Variants in PACSIN2 observed in about 807,000 individuals in gnomAD.
PACSIN2 encodes protein kinase C and casein kinase substrate in neurons 2.
In PACSIN2, 25 loss-of-function variants were observed where a neutral mutation model predicts 63.8. That is an observed-to-expected ratio of 0.39 (90% CI 0.29 to 0.55). The LOEUF (loss-of-function observed/expected upper bound fraction) is 0.55. Ranked by LOEUF, PACSIN2 falls within the 20% of genes least tolerant of loss-of-function variation. PACSIN2 has a pLI of 0.62. For missense variants in PACSIN2, 518 were observed against 646.9 expected (o/e 0.80, Z 2.16); for synonymous variants, 255 against 256.2 (o/e 1.00, Z 0.05).
intron 1 of PACSIN2, among the ~76,000 whole-genome samples, chr22:42,962,775 C>T (rs867693678): frequency 2.4e-4 from 4 of 16,420 alleles, no homozygotes; most frequent in Non-Finnish European, 6.9e-4. Flanking sequence ...AAGGTGTGGG[C>T]GGGGGGGGGG....
At chr22:42,932,531 G>GA (rs1364051575) in intron 1 of PACSIN2, among the ~76,000 whole-genome samples, 1 of 152,164 alleles carries the variant, frequency 6.6e-6, no homozygotes, top group Non-Finnish European at 1.5e-5. Flanking sequence ...CTTTACAAGT[G>GA]AAATGGTGGG....
At chr22:42,880,156 A>C (rs909067426) in intron 7 of PACSIN2, among the ~76,000 whole-genome samples, 1 of 152,184 alleles carries the variant, frequency 6.6e-6, no homozygotes, top group Non-Finnish European at 1.5e-5. Context: ...GGCTCTGCTC[A>C]CACGTACTTA....
At chr22:42,959,709 A>C (rs1934060286) in intron 1 of PACSIN2, 1 of 152,180 alleles carries the variant, frequency 6.6e-6, no homozygotes, top group African/African-American at 2.4e-5. Flanking sequence ...TAAATCAGTC[A>C]CTCAGTGAGA....
At position 42,869,923 on chromosome 22, in the gene PACSIN2, C is replaced by T. The variant is rs1260779776; in HGVS notation, c.*1434G>A. On this transcript the variant is annotated 3_prime_UTR_variant, in exon 11 of 11. Transcript: ENST00000263246. The stretch of plus-strand genomic sequence containing the variant: ...TAAGTTCTCAGGACAGACACAGACA[C>T]AGGTCCACTTTCCAAGCAAGACATC... 1 of 152,472 alleles carries T rather than the reference C, an allele frequency of 6.6e-6. No homozygotes were observed. The highest frequency in any genetic ancestry group is 1.5e-5 in the Non-Finnish European group (1 of 68,056). 9.4% of individuals were successfully genotyped at this position (152,472 alleles called of 1,614,324 possible).
At chr22:42,978,783 CA>C (rs1302078699) in intron 1 of PACSIN2, among the ~76,000 whole-genome samples, 1 of 152,194 alleles carries the variant, frequency 6.6e-6, no homozygotes, top group Non-Finnish European at 1.5e-5. Flanking sequence ...GGGCATTCTA[CA>C]AAGCATTTCC....
At chr22:42,888,307 C>A (rs1157339450) in intron 5 of PACSIN2, among the ~76,000 whole-genome samples, 15 of 152,174 alleles carry the variant, frequency 9.9e-5, no homozygotes. Context: ...CCAGCCACAC[C>A]CATTCACACC....
intron 1 of PACSIN2, among the ~76,000 whole-genome samples, chr22:42,942,784 G>A (rs1012715071): frequency 6.6e-6 from 1 of 152,126 alleles, no homozygotes; most frequent in African/African-American, 2.4e-5. Context: ...CCTTATGCCC[G>A]CACCACACTG....
intron 1 of PACSIN2, among the ~76,000 whole-genome samples, chr22:42,987,496 A>G (rs1323459429): frequency 2.8e-4 from 10 of 35,294 alleles, no homozygotes; most frequent in African/African-American, 1.5e-3. Context: ...ACACACACCC[A>G]TGGCACCATG....
intron 6 of PACSIN2, among the ~76,000 whole-genome samples, chr22:42,883,605 G>GA (rs1278676028): frequency 6.6e-6 from 1 of 152,038 alleles, no homozygotes; most frequent in Non-Finnish European, 1.5e-5. Flanking sequence ...CTGTCCTGGG[G>GA]GCTGAGAGCC....
intron 8 of PACSIN2, among the ~76,000 whole-genome samples, chr22:42,878,204 C>A (rs866123798): frequency 3.3e-5 from 5 of 152,202 alleles, no homozygotes; most frequent in Non-Finnish European, 7.3e-5. Flanking sequence ...TTCCCATTCC[C>A]ACCCCCAAGC....
chr22:42,919,643 T>C (rs1320976950), intron 1 of PACSIN2, among the ~76,000 whole-genome samples: 2 of 151,416 alleles, frequency 1.3e-5, no homozygotes, highest in African/African-American at 4.9e-5. Context: ...TGTGGTAGCA[T>C]GCGCCTGTAA....
At chr22:42,980,275 A>G (rs894317959) in intron 1 of PACSIN2, among the ~76,000 whole-genome samples, 1 of 152,188 alleles carries the variant, frequency 6.6e-6, no homozygotes, top group African/African-American at 2.4e-5. Context: ...GCACTTTGAG[A>G]GGCCAAGGCA....
intron 1 of PACSIN2, among the ~76,000 whole-genome samples, chr22:42,999,955 C>G (rs779775160): frequency 6.6e-6 from 1 of 152,234 alleles, no homozygotes; most frequent in South Asian, 2.1e-4. Flanking sequence ...AAGGGCAATG[C>G]CATCACAAGT....
chr22:42,975,221 C>A (rs1427188662), intron 1 of PACSIN2, among the ~76,000 whole-genome samples: 2 of 152,170 alleles, frequency 1.3e-5, no homozygotes, highest in Non-Finnish European at 2.9e-5. Context: ...ACCATATTCA[C>A]CACAAGTTTT....
intron 1 of PACSIN2, among the ~76,000 whole-genome samples, chr22:43,008,703 C>A (rs1924258901): frequency 1.3e-5 from 2 of 152,254 alleles, no homozygotes; most frequent in Admixed American, 1.3e-4. Flanking sequence ...CTGGCACAAT[C>A]CACACCCAAC....
chr22:42,991,414 T>C (rs1375008401), intron 1 of PACSIN2, among the ~76,000 whole-genome samples: 1 of 151,948 alleles, frequency 6.6e-6, no homozygotes, highest in East Asian at 1.9e-4. Flanking sequence ...ACCCCACCCA[T>C]CCAGGCACAG....
chr22:42,964,734 A>G lies in PACSIN2; in HGVS notation c.-78+50287T>C, dbSNP rs527308132. 4.6e-5 allele frequency among the ~76,000 whole-genome samples: 7 copies of G among 152,276 alleles called. No individual in the cohort carries two copies. In the South Asian group the frequency reaches 1.5e-3, roughly 32 times the overall value. On this transcript the variant is annotated intron_variant, in intron 1 of 10. Coordinates refer to ENST00000263246, the MANE Select transcript of PACSIN2 (RefSeq NM_001184970.3). ...GGCAGCAGGGACGACAAAGTTAGAC[A>G]AAAGACCAAAAGGAGCTGCTCTGAC...
chr22:42,903,319 T>C, intron 2 of PACSIN2, among the ~76,000 whole-genome samples: 1 of 152,196 alleles, frequency 6.6e-6, no homozygotes, highest in East Asian at 1.9e-4. Context: ...GTCCCCATGG[T>C]GACAGCTTCA....
intron 1 of PACSIN2, among the ~76,000 whole-genome samples, chr22:42,933,558 C>T (rs988492614): frequency 6.6e-6 from 1 of 152,166 alleles, no homozygotes; most frequent in African/African-American, 2.4e-5. Context: ...ATGTATAACA[C>T]CAACTCCTCC....
Sources: allele counts gnomAD v4.1 joint callset (sites outside exome capture counted in the v4.1 genomes callset), GRCh38; gene constraint gnomAD v4.1.1; transcripts MANE v1.5; gene names NCBI Gene and HGNC (gene_info 2026-07-23, HGNC 2026-07-21).